The following NOSIP variants were observed in gnomAD, a reference collection of about 807,000 sequenced individuals.
NOSIP encodes the protein nitric oxide synthase-interacting protein.
Under a neutral mutation model 36.4 loss-of-function variants are expected in NOSIP, and 25 were observed. The ratio of observed to expected loss-of-function variants is 0.69; its 90% CI spans 0.50 to 0.96. The LOEUF (loss-of-function observed/expected upper bound fraction) is 0.96, where lower values mean the gene tolerates loss of function less well. Among genes scored for constraint, NOSIP ranks in the 40% least tolerant of loss-of-function variants. The probability of loss-of-function intolerance (pLI) is 0.00; values close to 1 mark genes in which losing one functional copy is unlikely to be tolerated. For missense variants in NOSIP, 370 were observed against 429.0 expected (o/e 0.86, Z 1.21); for synonymous variants, 187 against 179.2 (o/e 1.04, Z -0.35).
intron 1 of NOSIP, among the ~76,000 whole-genome samples, chr19:49,568,856 G>A (rs2122146140): frequency 6.7e-6 from 1 of 148,628 alleles, no homozygotes; most frequent in South Asian, 2.1e-4. Context: ...AGGCTGGAGT[G>A]CAGTGGCGCA....
Position 49,560,891 on chromosome 19 carries a change from C to T in NOSIP, c.-1-199G>A, listed in dbSNP as rs1452321303. On this transcript the variant is annotated intron_variant, in intron 1 of 8. Transcript: ENST00000596358. The surrounding 1 kb of genome is among the most constrained non-coding windows in gnomAD (Gnocchi z 4.6). ...TCCTCCTTCCAGACTCACCTAGACT[C>T]ATTTATATGTGAAAATAGCACCTTT... Among the ~76,000 whole-genome samples the T allele has an allele frequency of 1.3e-5, 2 of 152,058 alleles. No homozygotes were observed. The highest frequency in any genetic ancestry group is 4.8e-5 in the African/African-American group (2 of 41,320).
intron 3 of NOSIP, 35 bp downstream of exon 3, chr19:49,559,899 C>A (rs750295905): frequency 3.9e-6 from 6 of 1,528,018 alleles, no homozygotes; most frequent in Non-Finnish European, 5.4e-6. Flanking sequence ...CTTGCTCTCC[C>A]CACCCAGACC....
intron 3 of NOSIP, chr19:49,559,597 G>A (rs75150263): frequency 6.2e-5 from 18 of 288,224 alleles, no homozygotes; most frequent in Non-Finnish European, 1.0e-4. Flanking sequence ...AATTGAGCAC[G>A]TATTTAGTGC....
At chr19:49,578,430 G>T (rs549216099) in intron 1 of NOSIP, among the ~76,000 whole-genome samples, 2 of 151,072 alleles carry the variant, frequency 1.3e-5, no homozygotes, top group East Asian at 4.0e-4. Flanking sequence ...GCCCAATGGG[G>T]ATTTTTAAAA....
intron 1 of NOSIP, among the ~76,000 whole-genome samples, chr19:49,570,476 TACACCC>T (rs2122157908): frequency 6.6e-6 from 1 of 152,256 alleles, no homozygotes; most frequent in African/African-American, 2.4e-5. Flanking sequence ...GACAAATGTA[TACACCC>T]TTGTGACCAC....
In NOSIP at chr19:49,559,942, A is replaced by G; in HGVS notation, c.168T>C (p.Pro56=). Residue 56 remains proline, a synonymous_variant, in exon 3 of 9, where the codon CCT becomes CCC. Transcript: ENST00000596358. ...CCLSLQPCHD[P]VVTPDGYLYE... is the part of the protein sequence containing the mutation. ...CCCTGTTCCCAGCTCACGTGACAAC[A>G]GGATCGTGGCAAGGCTGCAGGGAGA... is the stretch of plus-strand genomic sequence containing the variant. 1 of 1,612,200 alleles carries G rather than the reference A, an allele frequency of 6.2e-7. No homozygotes were observed. Among genetic ancestry groups the G allele is most frequent in the Non-Finnish European group, 8.5e-7 (1 of 1,178,646 alleles).
chr19:49,571,936 G>A (rs1318899682), intron 1 of NOSIP, among the ~76,000 whole-genome samples: 1 of 129,284 alleles, frequency 7.7e-6, no homozygotes, highest in Non-Finnish European at 1.6e-5. Flanking sequence ...AGTGAGCCCA[G>A]ATCGCACCAC....
intron 1 of NOSIP, among the ~76,000 whole-genome samples, chr19:49,576,792 G>A (rs1187833591): frequency 6.7e-6 from 1 of 148,438 alleles, no homozygotes; most frequent in Non-Finnish European, 1.5e-5. Flanking sequence ...GCTGAAATGG[G>A]ACAATCACTT....
At chr19:49,574,956 G>A (rs1388319425) in intron 1 of NOSIP, among the ~76,000 whole-genome samples, 1 of 150,642 alleles carries the variant, frequency 6.6e-6, no homozygotes, top group African/African-American at 2.4e-5. Context: ...TCTGCCTCCA[G>A]GGTTCATGCC....
At position 49,565,249 on chromosome 19, in the gene NOSIP, G is replaced by C. The variant is rs573604465; in HGVS notation, c.-1-4557C>G. On this transcript the variant is annotated intron_variant, in intron 1 of 8. Coordinates refer to ENST00000596358, the MANE Select transcript of NOSIP (RefSeq NM_001270960.2). ...GATTGGGCCACTGCACTCCAGCCTG[G>C]GAGTCAGAGTGAGACCCTGTCTCAA... 4.0e-5 allele frequency among the ~76,000 whole-genome samples: 6 copies of C among 151,656 alleles called. No individual in the cohort carries two copies. The South Asian group carries it at 1.3e-3, about 32-fold the overall frequency.
In NOSIP at chr19:49,556,433, G is replaced by A. The variant is rs1468075769; in HGVS notation, c.726-8C>T. The A allele has an allele frequency of 6.2e-7, 1 of 1,612,716 alleles. No homozygotes were observed. Among genetic ancestry groups the A allele is most frequent in the South Asian group, 1.1e-5 (1 of 91,020 alleles). On this transcript the variant is annotated splice_polypyrimidine_tract_variant and splice_region_variant and intron_variant, in intron 7 of 8. Coordinates refer to ENST00000596358, the MANE Select transcript of NOSIP (RefSeq NM_001270960.2). ...AGGGTGACCACAGCCCCACTACGGTGAGGCCGAAGGCGGGAGACTCTGATC... is the reference window on the plus strand; with the variant it reads ...AGGGTGACCACAGCCCCACTACGGTAAGGCCGAAGGCGGGAGACTCTGATC...
intron 4 of NOSIP, chr19:49,558,625 G>A (rs1007159779): frequency 6.8e-6 from 3 of 440,560 alleles, no homozygotes; most frequent in Admixed American, 3.4e-5. Flanking sequence ...ATAAGGGAAA[G>A]TGGGCATGTG....
chr19:49,571,136 A>ATTT (rs1359736492), intron 1 of NOSIP, among the ~76,000 whole-genome samples: 7 of 144,436 alleles, frequency 4.8e-5, no homozygotes, highest in African/African-American at 1.8e-4. Flanking sequence ...ACGCCCAGCT[A>ATTT]ATTTTTTTTT....
At chr19:49,572,406 CTTTTTT>C (rs35209614) in intron 1 of NOSIP, among the ~76,000 whole-genome samples, 2 of 97,934 alleles carry the variant, frequency 2.0e-5, no homozygotes, top group East Asian at 3.1e-4. Context: ...TGCACCCAGC[CTTTTTT>C]TTTTTTTTTT....
chr19:49,572,433 C>CA (rs974106794), intron 1 of NOSIP, among the ~76,000 whole-genome samples: 3 of 107,450 alleles, frequency 2.8e-5, no homozygotes, highest in Non-Finnish European at 5.3e-5. Context: ...TTTTTTGAGA[C>CA]AGAGTCTCGC....
At chr19:49,563,182 G>GTT (rs766907529) in intron 1 of NOSIP, among the ~76,000 whole-genome samples, 2,853 of 144,688 alleles carry the variant, frequency 0.02, 74 homozygotes, top group African/African-American at 0.067. Flanking sequence ...TTTTCTTTTT[G>GTT]TTTTTTTTTT....
At position 49,560,804 on chromosome 19, in the gene NOSIP, G is replaced by A. The variant is rs1351477787; in HGVS notation, c.-1-112C>T. 20 of 808,714 alleles carry A rather than the reference G, an allele frequency of 2.5e-5. No homozygotes were observed. Among genetic ancestry groups the A allele is most frequent in the Admixed American group, 1.2e-4 (6 of 48,236 alleles). 50.1% of individuals were successfully genotyped at this position (808,714 alleles called of 1,614,324 possible). Reference sequence around the variant, plus strand: ...CCCCCCTTGATGGGAAAGCGGAGGCGGAGAAGGGGGGTGAGGTGGAAGAGA... The same window carrying A: ...CCCCCCTTGATGGGAAAGCGGAGGCAGAGAAGGGGGGTGAGGTGGAAGAGA... On this transcript the variant is annotated intron_variant, in intron 1 of 8. Coordinates refer to ENST00000596358, the MANE Select transcript of NOSIP (RefSeq NM_001270960.2). This position sits in a 1 kb window ranked among gnomAD's most constrained non-coding sequence, Gnocchi z 4.6.
rs1216334630 is a variant in NOSIP, at chr19:49,559,882, C to A, written c.176+52G>T. The A allele has an allele frequency of 2.6e-5, 36 of 1,364,678 alleles. No individual in the cohort carries two copies. In the Admixed American group the frequency reaches 3.1e-4, roughly 12 times the overall value. The allele number at this position is 1,364,678 out of a possible 1,614,324, so 84.5% of individuals were successfully genotyped here. The stretch of plus-strand genomic sequence containing the variant: ...ACCCACGCACACAGCCTCCTCCTGG[C>A]GGTTCCCTTGCTCTCCCCACCCAGA... On this transcript the variant is annotated intron_variant, in intron 3 of 8. Coordinates refer to ENST00000596358, the MANE Select transcript of NOSIP (RefSeq NM_001270960.2).
At chr19:49,569,836 C>A (rs373729460) in intron 1 of NOSIP, among the ~76,000 whole-genome samples, 11 of 149,328 alleles carry the variant, frequency 7.4e-5, no homozygotes, top group South Asian at 2.1e-4. Flanking sequence ...ACAACAACAA[C>A]AAAAAAGAAC....
Sources: allele counts gnomAD v4.1 joint callset (sites outside exome capture counted in the v4.1 genomes callset), GRCh38; gene constraint gnomAD v4.1.1; non-coding constraint Gnocchi (gnomAD v3.1); transcripts MANE v1.5; gene names NCBI Gene and HGNC (gene_info 2026-07-23, HGNC 2026-07-21).